The following SCAF11 variants were observed in gnomAD, a reference collection of about 807,000 sequenced individuals.
The protein encoded by SCAF11 is SR-related CTD associated factor 11.
SCAF11 carries 47 observed loss-of-function variants against 140.5 expected under a neutral mutation model. The ratio of observed to expected loss-of-function variants is 0.33; its 90% CI spans 0.26 to 0.43. The LOEUF (loss-of-function observed/expected upper bound fraction) is 0.43. Ranked by LOEUF, SCAF11 falls within the 20% of genes least tolerant of loss-of-function variation. SCAF11 has a pLI of 1.00. For synonymous variants in SCAF11, 557 were observed against 579.4 expected (o/e 0.96, Z 0.55); for missense variants, 1,645 against 1,705.1 (o/e 0.96, Z 0.62).
At chr12:45,930,124 T>G (rs1184319551) in intron 10 of SCAF11, among the ~76,000 whole-genome samples, 1 of 152,222 alleles carries the variant, frequency 6.6e-6, no homozygotes, top group African/African-American at 2.4e-5. Flanking sequence ...TACCCTAAGT[T>G]TATATCATTT....
At chr12:45,983,469 A>G (rs1946389970) in intron 1 of SCAF11, among the ~76,000 whole-genome samples, 1 of 152,196 alleles carries the variant, frequency 6.6e-6, no homozygotes, top group Non-Finnish European at 1.5e-5. Context: ...TCAAAATACC[A>G]GAACACGATA....
Position 45,926,941 on chromosome 12 carries a change from C to A in SCAF11, c.2760G>T (p.Gly920=). ...QSRERESDRD[G]QRRERERRTR... ...TTCTCCTTTCTCTCTCTCTCCTCTG[C>A]CCATCTCTATCACTTTCTCGTTCTC... Residue 920 remains glycine (G), a synonymous_variant, in exon 11 of 15, where the codon GGG becomes GGT. Coordinates refer to ENST00000369367, the MANE Select transcript of SCAF11 (RefSeq NM_004719.3). The A allele has an allele frequency of 6.2e-7, 1 of 1,612,634 alleles. No homozygotes were observed. Among genetic ancestry groups the A allele is most frequent in the Non-Finnish European group, 8.5e-7 (1 of 1,179,994 alleles).
intron 1 of SCAF11, among the ~76,000 whole-genome samples, chr12:45,971,364 T>C (rs1350114560): frequency 2.0e-5 from 3 of 152,158 alleles, no homozygotes; most frequent in Non-Finnish European, 4.4e-5. Flanking sequence ...AATAAACACA[T>C]CCCACCTTGT....
chr12:45,972,885 T>TATATATAG (rs1946115953), intron 1 of SCAF11, among the ~76,000 whole-genome samples: 3 of 33,490 alleles, frequency 9.0e-5, no homozygotes, highest in South Asian at 1.4e-3. Flanking sequence ...TATATAGATA[T>TATATATAG]ATATATAGAT....
rs145648362 is a variant in SCAF11, at chr12:45,939,733, A to C, written c.464-5228T>G. 4.1e-3 allele frequency among the ~76,000 whole-genome samples: 631 copies of C among 152,346 alleles called. 6 individuals carry two copies. The highest frequency in any genetic ancestry group is 0.013 in the African/African-American group (550 of 41,584). On this transcript the variant is annotated intron_variant, in intron 6 of 14. Coordinates refer to ENST00000369367, the MANE Select transcript of SCAF11 (RefSeq NM_004719.3). ...ATCTCAAATAAACAAATAAATAAAT[A>C]AGAAAACAAGAAGCTAAGCTAAGTA...
intron 3 of SCAF11, among the ~76,000 whole-genome samples, chr12:45,959,369 A>C (rs1945771432): frequency 6.6e-6 from 1 of 152,236 alleles, no homozygotes; most frequent in African/African-American, 2.4e-5. Context: ...CGTACTTAAA[A>C]ATCGTAAGTT....
At position 45,928,206 on chromosome 12, in the gene SCAF11, C is replaced by G. The variant is rs765127322; in HGVS notation, c.1495G>C (p.Gly499Arg). The change falls in exon 11 of 15, where the codon GGT becomes CGT. Residue 499 changes from glycine (G) to arginine (R), a missense_variant. By Grantham distance (125) the Gly-to-Arg change is moderately radical (BLOSUM62 -2). Around this residue, in one of 2 missense-constraint regions of SCAF11, gnomAD observed 1,582 missense variants for 1,609.2 expected, o/e 0.98. Transcript: ENST00000369367. ...AAACACAAAACATTAGCCTCTATAC[C>G]TGTATTCTCGAGTTTTTTAACTTCC... is the stretch of plus-strand genomic sequence containing the variant. The part of the protein sequence containing the change: ...EGEVKKLENT[G>R]IEANVLCLES... 3 of 1,613,876 alleles carry G rather than the reference C, an allele frequency of 1.9e-6. No individual in the cohort carries two copies. Among genetic ancestry groups the G allele is most frequent in the East Asian group, 4.5e-5 (2 of 44,874 alleles).
intron 3 of SCAF11, chr12:45,961,448 G>A: frequency 1.6e-6 from 1 of 623,674 alleles, no homozygotes; most frequent in South Asian, 2.1e-5. Context: ...AAAAAAGTTT[G>A]ATCTGTTCTT....
intron 1 of SCAF11, among the ~76,000 whole-genome samples, chr12:45,984,423 CAAAT>C (rs1946417063): frequency 6.6e-6 from 1 of 152,098 alleles, no homozygotes; most frequent in Non-Finnish European, 1.5e-5. Flanking sequence ...TGTGTCCTGT[CAAAT>C]GGCATACAAT....
chr12:45,935,918 G>C (rs1364131963), intron 6 of SCAF11, among the ~76,000 whole-genome samples: 1 of 152,082 alleles, frequency 6.6e-6, no homozygotes, highest in East Asian at 1.9e-4. Context: ...CTACTTGTCT[G>C]TTTTTGGTGG....
chr12:45,964,401 C>G (rs1434013971), intron 1 of SCAF11, among the ~76,000 whole-genome samples: 3 of 152,194 alleles, frequency 2.0e-5, no homozygotes, highest in Non-Finnish European at 4.4e-5. Flanking sequence ...TGCACGGTGG[C>G]TCACGCCTGT....
At chr12:45,924,700 G>A (rs749259919) in intron 12 of SCAF11, 28 bp downstream of exon 12, 3 of 1,514,770 alleles carry the variant, frequency 2.0e-6, no homozygotes, top group Non-Finnish European at 1.8e-6. Flanking sequence ...TGGCTATATT[G>A]ATTAAACTTG....
intron 1 of SCAF11, among the ~76,000 whole-genome samples, chr12:45,972,461 T>C (rs936389181): frequency 2.0e-5 from 3 of 151,732 alleles, no homozygotes; most frequent in Non-Finnish European, 2.9e-5. Context: ...GGTGTGTCAC[T>C]GTAGTCCCAG....
rs969488539 is a variant in SCAF11 at position 45,927,243 on chromosome 12, T to C, written c.2458A>G (p.Arg820Gly). ...EKKRPQSPSPRRETGKESRKS... is the reference protein window; with the variant it reads ...EKKRPQSPSPGRETGKESRKS... ...CTGCTTTCTTTCCCAGTTTCTCTTC[T>C]GGGAGATGGAGACTGGGGCCGCTTC... The change falls in exon 11 of 15, where the codon AGA becomes GGA. Residue 820 changes from arginine to glycine, a missense_variant. Coordinates refer to ENST00000369367, the MANE Select transcript of SCAF11 (RefSeq NM_004719.3). 4 of 1,614,014 alleles carry C rather than the reference T, an allele frequency of 2.5e-6. No homozygotes were observed. Among genetic ancestry groups the C allele is most frequent in the Non-Finnish European group, 3.4e-6 (4 of 1,180,024 alleles).
chr12:45,924,237 CCTTT>C (rs1944789198), intron 12 of SCAF11, among the ~76,000 whole-genome samples: 1 of 152,076 alleles, frequency 6.6e-6, no homozygotes, highest in Non-Finnish European at 1.5e-5. Flanking sequence ...AGGCACTTCT[CCTTT>C]CTTTTTAGCA....
At chr12:45,967,509 T>C (rs935919068) in intron 1 of SCAF11, among the ~76,000 whole-genome samples, 1 of 152,114 alleles carries the variant, frequency 6.6e-6, no homozygotes, top group African/African-American at 2.4e-5. Context: ...CTGGGTGTGG[T>C]AGCAGGCACC....
At chr12:45,985,070 C>T (rs190700414) in intron 1 of SCAF11, among the ~76,000 whole-genome samples, 10 of 152,292 alleles carry the variant, frequency 6.6e-5, no homozygotes, top group Non-Finnish European at 1.0e-4. Context: ...ATCAACCATT[C>T]CTCCAAAGAG....
Position 45,927,166 on chromosome 12 carries a change from T to C in SCAF11, c.2535A>G (p.Lys845=), listed in dbSNP as rs1565659200. Residue 845 remains lysine, a synonymous_variant, in exon 11 of 15, where the codon AAA becomes AAG. Transcript: ENST00000369367. ...CCTTTTTTGGGGACTGAGAACGGGATTTTTTCCGGCCTCTGGCTGACTCAT... is the reference window on the plus strand; with the variant it reads ...CCTTTTTTGGGGACTGAGAACGGGACTTTTTCCGGCCTCTGGCTGACTCAT... ...PKNESARGRK[K]SRSQSPKKDI... is the part of the protein sequence containing the mutation. 2 of 1,614,016 alleles carry C rather than the reference T, an allele frequency of 1.2e-6. No individual in the cohort carries two copies. The highest frequency in any genetic ancestry group is 2.2e-5 in the East Asian group (1 of 44,870).
chr12:45,961,057 C>T (rs1338767455), intron 3 of SCAF11: 5 of 371,508 alleles, frequency 1.3e-5, no homozygotes, highest in African/African-American at 4.1e-5. Flanking sequence ...TTAAAAGTCA[C>T]GAATGTCTTG....
Sources: gnomAD v4.1 joint callset for allele counts (sites outside exome capture counted in the v4.1 genomes callset) on GRCh38, gnomAD v4.1.1 for gene constraint, gnomAD v4.1.1 regional missense constraint, MANE v1.5 for transcripts, NCBI Gene and HGNC (gene_info 2026-07-23, HGNC 2026-07-21) for gene names.